DIAPH2: variants seen among roughly 807,000 people sequenced by gnomAD.
DIAPH2 encodes the protein protein diaphanous homolog 2.
A neutral mutation model predicts 92.7 loss-of-function variants in DIAPH2; 35 were observed. The observed-to-expected ratio is 0.38, with a 90% CI of 0.29 to 0.50. DIAPH2 has a LOEUF of 0.50. DIAPH2 is among the 20% of genes least tolerant of loss of function. The pLI is 0.94. For synonymous variants in DIAPH2, 301 were observed against 280.4 expected (o/e 1.07, Z -0.73); for missense variants, 701 against 819.5 (o/e 0.86, Z 1.77).
At chrX:96,735,205 T>A (rs2064079174) in intron 1 of DIAPH2, among the ~76,000 whole-genome samples, 1 of 111,905 alleles carries the variant, frequency 8.9e-6, no homozygotes, top group African/African-American at 3.2e-5. Context: ...TAGAATATTT[T>A]AAAAATATTT....
chrX:97,269,764 T>C (rs2068370723), intron 23 of DIAPH2, among the ~76,000 whole-genome samples: 2 of 108,180 alleles, frequency 1.8e-5, no homozygotes. Flanking sequence ...TTTTTTTTTT[T>C]TTTTTGAGAC....
rs183444841 is a variant in DIAPH2 at position 96,973,975 on chromosome X, G to A, written c.2050+8768G>A. The stretch of plus-strand genomic sequence containing the variant: ...CTCCCAAAGTGCTGGGATTACAGGC[G>A]TGTGCCACCGCACCCAGCCAAATAT... On this transcript the variant is annotated intron_variant, in intron 17 of 26. Transcript: ENST00000324765. Among the ~76,000 whole-genome samples the A allele has an allele frequency of 1.7e-3, 194 of 111,894 alleles. 1 individual carries two copies. Among genetic ancestry groups the A allele is most frequent in the African/African-American group, 6.0e-3 (186 of 30,836 alleles).
chrX:96,763,002 A>G (rs2064278328), intron 4 of DIAPH2: 2 of 629,839 alleles, frequency 3.2e-6, no homozygotes, highest in South Asian at 6.0e-5. Flanking sequence ...CTAATTTACT[A>G]AACACTTAAC....
intron 23 of DIAPH2, among the ~76,000 whole-genome samples, chrX:97,268,783 A>G (rs1218095211): frequency 4.5e-5 from 5 of 110,186 alleles, no homozygotes; most frequent in African/African-American, 1.3e-4. Context: ...AGGAAGAATA[A>G]TTGTCAGCTG....
chrX:97,369,982 T>C (rs2069429091), intron 24 of DIAPH2, among the ~76,000 whole-genome samples: 1 of 111,605 alleles, frequency 9.0e-6, no homozygotes, highest in African/African-American at 3.3e-5. Flanking sequence ...TAGGTGGGTC[T>C]GGGACATAGA....
intron 4 of DIAPH2, among the ~76,000 whole-genome samples, chrX:96,787,043 C>T (rs760064265): frequency 8.9e-6 from 1 of 111,745 alleles, no homozygotes; most frequent in Non-Finnish European, 1.9e-5. Context: ...AGACAGTCTC[C>T]ATTTTTTCCG....
At chrX:97,016,769 T>C (rs763751810) in intron 17 of DIAPH2, among the ~76,000 whole-genome samples, 1 of 112,473 alleles carries the variant, frequency 8.9e-6, no homozygotes, top group Admixed American at 9.4e-5. Context: ...TGTCCCACCA[T>C]AATGTAATTT....
At chrX:97,556,034 G>C (rs1379437214) in intron 26 of DIAPH2, among the ~76,000 whole-genome samples, 1 of 111,992 alleles carries the variant, frequency 8.9e-6, no homozygotes, top group African/African-American at 3.2e-5. Flanking sequence ...AGCAGTTTCA[G>C]TGAGTCATTC....
At chrX:96,883,077 T>C (rs886527731) in intron 5 of DIAPH2, among the ~76,000 whole-genome samples, 2 of 110,351 alleles carry the variant, frequency 1.8e-5, no homozygotes, top group Admixed American at 9.7e-5. Context: ...CTTACTGTGA[T>C]TTTATCCATG....
At chrX:97,000,642 C>G (rs1439952896) in intron 17 of DIAPH2, among the ~76,000 whole-genome samples, 1 of 110,924 alleles carries the variant, frequency 9.0e-6, no homozygotes, top group African/African-American at 3.3e-5. Flanking sequence ...CACACACACA[C>G]ACACACACAC....
rs187060184 is a variant in DIAPH2 at position 96,945,034 on chromosome X, A to G, written c.1445-493A>G. On this transcript the variant is annotated intron_variant, in intron 13 of 26. Coordinates refer to ENST00000324765, the MANE Select transcript of DIAPH2 (RefSeq NM_006729.5). The stretch of plus-strand genomic sequence containing the variant: ...GTTTGAAGTTAGTTTCCTTATGTAC[A>G]TGATACATTTTGCCCCAGATCAGAA... 3.8e-4 allele frequency among the ~76,000 whole-genome samples: 42 copies of G among 111,515 alleles called. No homozygotes were observed. The East Asian group carries it at 7.0e-3, about 19-fold the overall frequency.
chrX:97,405,057 C>T (rs1225511343), intron 25 of DIAPH2, among the ~76,000 whole-genome samples: 2 of 111,937 alleles, frequency 1.8e-5, no homozygotes, highest in Non-Finnish European at 3.8e-5. Context: ...CAGTGAGTTA[C>T]TGGCTGAATC....
chrX:96,942,218 G>A, intron 13 of DIAPH2, 82 bp downstream of exon 13: 1 of 575,265 alleles, frequency 1.7e-6, no homozygotes, highest in Middle Eastern at 4.1e-4. Context: ...AAGAAGTTCA[G>A]TAAGAAGCTT....
intron 26 of DIAPH2, among the ~76,000 whole-genome samples, chrX:97,495,753 A>G (rs975305497): frequency 8.9e-6 from 1 of 112,062 alleles, no homozygotes; most frequent in African/African-American, 3.2e-5. Context: ...ATACTATTAC[A>G]TATTAAATAT....
intron 23 of DIAPH2, among the ~76,000 whole-genome samples, chrX:97,316,889 G>T (rs1330121142): frequency 8.1e-5 from 9 of 111,671 alleles, no homozygotes; most frequent in Non-Finnish European, 1.5e-4. Flanking sequence ...TATGTGTGGG[G>T]GTCCATGCCA....
chrX:97,264,810 C>T (rs889946141), intron 23 of DIAPH2, among the ~76,000 whole-genome samples: 2 of 111,372 alleles, frequency 1.8e-5, no homozygotes, highest in Non-Finnish European at 3.8e-5. Flanking sequence ...ATGGTGAAAC[C>T]TCATCTCTAC....
intron 22 of DIAPH2, among the ~76,000 whole-genome samples, chrX:97,239,285 GA>G (rs1377384344): frequency 9.0e-6 from 1 of 111,473 alleles, no homozygotes. Flanking sequence ...TTATGTATTA[GA>G]GAAAGTCTGT....
chrX:97,477,410 A>G (rs2070618067), intron 26 of DIAPH2, among the ~76,000 whole-genome samples: 1 of 111,382 alleles, frequency 9.0e-6, no homozygotes, highest in African/African-American at 3.3e-5. Flanking sequence ...GGATCACCTG[A>G]GGTCAGGAGT....
At chrX:96,709,739 A>G (rs566701349) in intron 1 of DIAPH2, among the ~76,000 whole-genome samples, 2 of 112,111 alleles carry the variant, frequency 1.8e-5, no homozygotes, top group Middle Eastern at 4.6e-3. Flanking sequence ...CTCGTTTTCC[A>G]TGCTATGAAA....
Sources: gnomAD v4.1 joint callset for allele counts (sites outside exome capture counted in the v4.1 genomes callset) on GRCh38, gnomAD v4.1.1 for gene constraint, MANE v1.5 for transcripts, NCBI Gene and HGNC (gene_info 2026-07-23, HGNC 2026-07-21) for gene names.